Variants in MACROD2 observed in about 807,000 individuals in gnomAD.
The protein encoded by MACROD2 is ADP-ribose glycohydrolase MACROD2.
MACROD2 carries 36 observed loss-of-function variants against 70.4 expected under a neutral mutation model. The ratio of observed to expected loss-of-function variants is 0.51; its 90% confidence interval spans 0.39 to 0.68. The LOEUF (loss-of-function observed/expected upper bound fraction) is 0.68, where lower values mean the gene tolerates loss of function less well. MACROD2 is among the 30% of genes least tolerant of loss of function. The pLI is 0.00. For missense variants in MACROD2, 496 were observed against 538.4 expected, an observed-to-expected ratio of 0.92 and a Z score of 0.78; for synonymous variants, 172 against 178.8, an observed-to-expected ratio of 0.96 and a Z score of 0.30.
chr20:14,231,155 T>C (rs2081808362), intron 3 of MACROD2, among the ~76,000 whole-genome samples: 1 of 151,908 alleles, frequency 6.6e-6, no homozygotes, highest in African/African-American at 2.4e-5. Context: ...TTTTAAATTA[T>C]ACTTTAAGTT....
At chr20:14,753,665 T>G (rs1204962031) in intron 5 of MACROD2, among the ~76,000 whole-genome samples, 1 of 152,162 alleles carries the variant, frequency 6.6e-6, no homozygotes, top group Admixed American at 6.5e-5. Context: ...TTATCATGAT[T>G]TATCTGACAG....
At chr20:14,485,746 G>C (rs1032788481) in intron 3 of MACROD2, among the ~76,000 whole-genome samples, 8 of 150,370 alleles carry the variant, frequency 5.3e-5, no homozygotes, top group Non-Finnish European at 1.0e-4. Context: ...AAGTATGGAA[G>C]GGAATGGTAG....
chr20:15,663,232 ATTTTTT>A (rs34234600), intron 8 of MACROD2, among the ~76,000 whole-genome samples: 8 of 129,824 alleles, frequency 6.2e-5, no homozygotes, highest in Non-Finnish European at 4.9e-5. Context: ...TCAGAATTTG[ATTTTTT>A]TTTTTTTTTT....
At chr20:14,312,464 G>A (rs980230463) in intron 3 of MACROD2, among the ~76,000 whole-genome samples, 2 of 152,142 alleles carry the variant, frequency 1.3e-5, no homozygotes, top group African/African-American at 4.8e-5. Context: ...TTCAGTTGAG[G>A]TAATATAAAA....
intron 7 of MACROD2, among the ~76,000 whole-genome samples, chr20:15,473,206 A>G (rs1266078052): frequency 1.3e-5 from 2 of 152,238 alleles, no homozygotes; most frequent in African/African-American, 4.8e-5. Flanking sequence ...TGGGAAGATT[A>G]GAAACAATAT....
chr20:14,023,231 C>T (rs1002380638), intron 2 of MACROD2, among the ~76,000 whole-genome samples: 14 of 152,082 alleles, frequency 9.2e-5, no homozygotes, highest in African/African-American at 2.2e-4. Context: ...TCATATCCTT[C>T]GCCCTTTTTG....
At chr20:14,568,318 T>G (rs1307095449) in intron 4 of MACROD2, among the ~76,000 whole-genome samples, 1 of 152,064 alleles carries the variant, frequency 6.6e-6, no homozygotes, top group East Asian at 1.9e-4. Context: ...ATCTCATTAT[T>G]GCCCGGGTCT....
At chr20:14,784,681 G>A (rs79417075) in intron 5 of MACROD2, among the ~76,000 whole-genome samples, 2 of 108,392 alleles carry the variant, frequency 1.8e-5, no homozygotes, top group South Asian at 6.8e-4. Flanking sequence ...GGGGGGGGGG[G>A]CACCAGATTC....
intron 4 of MACROD2, among the ~76,000 whole-genome samples, chr20:14,594,010 C>G (rs1234738509): frequency 1.3e-5 from 2 of 152,116 alleles, no homozygotes; most frequent in Middle Eastern, 3.2e-3. Flanking sequence ...AGAAAACAGG[C>G]TTTCAGAGAC....
At chr20:14,225,874 A>T (rs2081728588) in intron 3 of MACROD2, among the ~76,000 whole-genome samples, 1 of 152,136 alleles carries the variant, frequency 6.6e-6, no homozygotes, top group Non-Finnish European at 1.5e-5. Flanking sequence ...TTCCAGGCCC[A>T]CCCACAAAAG....
intron 5 of MACROD2, among the ~76,000 whole-genome samples, chr20:14,931,010 T>A (rs190257587): frequency 1.3e-5 from 2 of 151,998 alleles, no homozygotes; most frequent in South Asian, 2.1e-4. Context: ...AAAAATATAT[T>A]TTTTTAATGT....
intron 10 of MACROD2, among the ~76,000 whole-genome samples, chr20:15,910,819 G>T (rs1413850580): frequency 6.6e-6 from 1 of 152,184 alleles, no homozygotes; most frequent in East Asian, 1.9e-4. Flanking sequence ...CAGATTCAAG[G>T]ATAGAAAAGC....
chr20:14,853,557 G>C (rs545779280), intron 5 of MACROD2, among the ~76,000 whole-genome samples: 1 of 152,266 alleles, frequency 6.6e-6, no homozygotes, highest in Non-Finnish European at 1.5e-5. Flanking sequence ...GAGACAGCCA[G>C]TAATTATTTG....
chr20:15,899,240 G>A (rs1027766999), intron 10 of MACROD2, among the ~76,000 whole-genome samples: 4 of 151,734 alleles, frequency 2.6e-5, no homozygotes, highest in African/African-American at 4.8e-5. Context: ...ATGTATATGT[G>A]TGTATATGTA....
intron 5 of MACROD2, among the ~76,000 whole-genome samples, chr20:14,870,780 T>C (rs632333): frequency 0.093 from 14,130 of 152,182 alleles, 837 homozygotes; most frequent in Non-Finnish European, 0.13. Flanking sequence ...CTTGCCCACT[T>C]TTTAATGGGG....
chr20:15,955,031 A>T (rs368136934), intron 12 of MACROD2, among the ~76,000 whole-genome samples: 142 of 152,268 alleles, frequency 9.3e-4, no homozygotes, highest in African/African-American at 3.3e-3. Context: ...GATTACATTG[A>T]AACATACTAA....
In MACROD2 at chr20:15,088,043, A is replaced by G. The variant is rs1404131646; in HGVS notation, c.419-141897A>G. 2.0e-5 allele frequency among the ~76,000 whole-genome samples: 3 copies of G among 151,858 alleles called. No individual in the cohort carries two copies. In the East Asian group the frequency reaches 5.8e-4, roughly 29 times the overall value. On this transcript the variant is annotated intron_variant, in intron 5 of 17. Transcript: ENST00000684519. ...CCAGGTAACATGTAGGGAAATGATC[A>G]TTGTCATGCATTTTTAAAGGGAAAG... is the stretch of plus-strand genomic sequence containing the variant.
intron 2 of MACROD2, among the ~76,000 whole-genome samples, chr20:14,058,646 C>CTTTT (rs374361854): frequency 2.3e-5 from 3 of 133,176 alleles, no homozygotes; most frequent in Non-Finnish European, 4.8e-5. Flanking sequence ...TTCCTTTTAC[C>CTTTT]TTTTTTTTTT....
chr20:15,913,819 G>C (rs1194143917), intron 10 of MACROD2, among the ~76,000 whole-genome samples: 1 of 152,142 alleles, frequency 6.6e-6, no homozygotes, highest in Non-Finnish European at 1.5e-5. Flanking sequence ...ACCTCTCAAA[G>C]TGAAAGTGCT....
Sources: gnomAD v4.1 joint callset for allele counts (sites outside exome capture counted in the v4.1 genomes callset) on GRCh38, gnomAD v4.1.1 for gene constraint, MANE v1.5 for transcripts, NCBI Gene and HGNC (gene_info 2026-07-23, HGNC 2026-07-21) for gene names.